ACOT11: variants seen among roughly 807,000 people sequenced by gnomAD.
ACOT11 encodes acyl-coenzyme A thioesterase 11.
Under a neutral mutation model 77.5 loss-of-function variants are expected in ACOT11, and 69 were observed. The observed-to-expected ratio is 0.89, with a 90% CI of 0.73 to 1.09. The LOEUF (loss-of-function observed/expected upper bound fraction) is 1.09. Among genes scored for constraint, ACOT11 ranks in the 50% least tolerant of loss-of-function variants. The probability of loss-of-function intolerance (pLI) is 0.00; values close to 1 mark genes in which losing one functional copy is unlikely to be tolerated. For synonymous variants in ACOT11, 279 were observed against 313.0 expected, an observed-to-expected ratio of 0.89 and a Z score of 1.15; for missense variants, 766 against 813.7, an observed-to-expected ratio of 0.94 and a Z score of 0.71.
At chr1:54,596,811 G>A (rs976011083) in intron 6 of ACOT11, among the ~76,000 whole-genome samples, 3 of 152,170 alleles carry the variant, frequency 2.0e-5, no homozygotes, top group African/African-American at 7.2e-5. Flanking sequence ...CTGGCCTCAA[G>A]GGATCTACCC....
At chr1:54,634,116 CT>C (rs2101035645) in intron 16 of ACOT11, among the ~76,000 whole-genome samples, 1 of 152,302 alleles carries the variant, frequency 6.6e-6, no homozygotes, top group South Asian at 2.1e-4. Context: ...GGAAAAATTA[CT>C]GTCCCTCTCA....
rs773103652 is a variant in ACOT11, at chr1:54,607,119, C to T, written c.1371-15C>T. 3.7e-6 allele frequency: 6 copies of T among 1,613,720 alleles called. No individual in the cohort carries two copies. The highest frequency in any genetic ancestry group is 4.2e-6 in the Non-Finnish European group (5 of 1,179,800). On this transcript the variant is annotated splice_polypyrimidine_tract_variant and intron_variant, in intron 13 of 15. Coordinates refer to ENST00000343744, the MANE Select transcript of ACOT11 (RefSeq NM_147161.4). The surrounding 1 kb of genome is among the most constrained non-coding windows in gnomAD (Gnocchi z 4.5). ...GGAAGCTTCCTGGGGCACTGAGATC[C>T]CGGCCTCCCCACAGGAGCGTGGAGC...
rs1196681613 is a variant in ACOT11 at position 54,622,945 on chromosome 1, C to CA, written c.1630-7788dup. Among the ~76,000 whole-genome samples the CA allele has an allele frequency of 4.0e-5, 6 of 151,894 alleles. No homozygotes were observed. The South Asian group carries it at 1.2e-3, about 32-fold the overall frequency. ...ATCCCAGCACTTTGAGAGGCTGAGG[C>CA]AGGTGGATCACCTGAGGTCAGGAGT... On this transcript the variant is annotated intron_variant, in intron 15 of 16. Transcript: ENST00000371316.
downstream of ACOT11, chr1:54,612,562 C>A: frequency 6.2e-7 from 1 of 1,614,090 alleles, no homozygotes. Flanking sequence ...GGGAAGGTGA[C>A]CCTCTGGGGC....
At chr1:54,617,584 C>T (rs1384322628) in intron 15 of ACOT11, among the ~76,000 whole-genome samples, 3 of 151,896 alleles carry the variant, frequency 2.0e-5, no homozygotes, top group Admixed American at 6.6e-5. Context: ...TTTCATCTCA[C>T]GTTCCACTCT....
chr1:54,581,212 G>A (rs948295428), intron 1 of ACOT11, among the ~76,000 whole-genome samples: 5 of 152,206 alleles, frequency 3.3e-5, no homozygotes, highest in Non-Finnish European at 5.9e-5. Context: ...CTGGTGCTGT[G>A]TGGAGGCTGG....
chr1:54,572,068 G>T (rs530318975), intron 1 of ACOT11, among the ~76,000 whole-genome samples: 1 of 152,042 alleles, frequency 6.6e-6, no homozygotes, highest in East Asian at 1.9e-4. Flanking sequence ...GGTGCACAGT[G>T]GGGGAGGTCT....
At chr1:54,601,672 G>T (rs1018982543) in intron 9 of ACOT11, among the ~76,000 whole-genome samples, 1 of 152,222 alleles carries the variant, frequency 6.6e-6, no homozygotes, top group African/African-American at 2.4e-5. Flanking sequence ...GCTGTCATGA[G>T]CCTGCAGGGT....
intron 9 of ACOT11, among the ~76,000 whole-genome samples, chr1:54,601,859 G>T (rs775474724): frequency 6.6e-6 from 1 of 152,242 alleles, no homozygotes; most frequent in African/African-American, 2.4e-5. Context: ...GCTGCGCCCT[G>T]GGAGCGGTCA....
chr1:54,575,288 A>G (rs909387371), intron 1 of ACOT11, among the ~76,000 whole-genome samples: 2 of 152,208 alleles, frequency 1.3e-5, no homozygotes, highest in Non-Finnish European at 2.9e-5. Flanking sequence ...ATGGGAAAGC[A>G]TTCAGGAAAT....
intron 15 of ACOT11, among the ~76,000 whole-genome samples, chr1:54,622,468 C>T (rs1361896274): frequency 6.6e-6 from 1 of 152,050 alleles, no homozygotes; most frequent in Non-Finnish European, 1.5e-5. Context: ...GTCCCAGCTA[C>T]TCCGGAGGCT....
At chr1:54,602,615 G>A in intron 9 of ACOT11, 54 bp from the exon 10 acceptor site, 2 of 1,424,254 alleles carry the variant, frequency 1.4e-6, no homozygotes, top group Non-Finnish European at 1.8e-6. Context: ...GGATGGAGAG[G>A]GGGCAGGACG....
Position 54,584,126 on chromosome 1 carries a change from C to T in ACOT11, c.34-529C>T, listed in dbSNP as rs1021044909. ...CCAGTCAATAGATCCAAGTGCTAGACATTAGCGGGCCACAGAGGCTGTCCT... is the reference window on the plus strand; with the variant it reads ...CCAGTCAATAGATCCAAGTGCTAGATATTAGCGGGCCACAGAGGCTGTCCT... On this transcript the variant is annotated intron_variant, in intron 1 of 15. Coordinates refer to ENST00000343744, the MANE Select transcript of ACOT11 (RefSeq NM_147161.4). The surrounding 1 kb of genome is among the most constrained non-coding windows in gnomAD (Gnocchi z 6.3). Among the ~76,000 whole-genome samples, 2 of 152,160 alleles carry T rather than the reference C, an allele frequency of 1.3e-5. No individual in the cohort carries two copies. The highest frequency in any genetic ancestry group is 6.5e-5 in the Admixed American group (1 of 15,278).
At chr1:54,632,973 A>G (rs140809628) in intron 16 of ACOT11, among the ~76,000 whole-genome samples, 181 of 152,354 alleles carry the variant, frequency 1.2e-3, no homozygotes, top group African/African-American at 4.2e-3. Flanking sequence ...ACAAGTTCTA[A>G]TTCCAGAACA....
rs1569818263 is a variant in ACOT11 at position 54,631,975 on chromosome 1, G to A, written c.1782+1089G>A. On this transcript the variant is annotated intron_variant, in intron 16 of 16. Transcript: ENST00000371316. ...AGCTACCTTGTTGGCAATGGCAATG[G>A]CAGGACTGAGAGTGGATAAAGGAAA... Among the ~76,000 whole-genome samples, 4 of 152,188 alleles carry A rather than the reference G, an allele frequency of 2.6e-5. No homozygotes were observed. In the South Asian group the frequency reaches 8.3e-4, roughly 32 times the overall value.
At chr1:54,612,402 G>T, downstream of ACOT11, 1 of 991,934 alleles carries the variant, frequency 1.0e-6, no homozygotes, top group Non-Finnish European at 1.5e-6. Flanking sequence ...TGACCTTTAA[G>T]ACCCTTCCAG....
rs34859193 is a variant in ACOT11 at position 54,559,593 on chromosome 1, C to CT, written c.33+11264dup. The stretch of plus-strand genomic sequence containing the variant: ...ATAATTGGCCATGGTGAATAGTTTT[C>CT]TTTTTTTTTTTTTCCATCTCATGTG... On this transcript the variant is annotated intron_variant, in intron 1 of 15. Transcript: ENST00000343744. Among the ~76,000 whole-genome samples the CT allele has an allele frequency of 7.1e-3, 1,034 of 145,706 alleles. 13 individuals are homozygous for CT. Among genetic ancestry groups the CT allele is most frequent in the African/African-American group, 0.021 (839 of 39,654 alleles).
chr1:54,572,392 GC>G (rs1653955434), intron 1 of ACOT11, among the ~76,000 whole-genome samples: 2 of 152,160 alleles, frequency 1.3e-5, no homozygotes, highest in Non-Finnish European at 2.9e-5. Context: ...CCCAGAGGCA[GC>G]ACAGGCAGCA....
At chr1:54,561,645 G>A (rs1449346267) in intron 1 of ACOT11, among the ~76,000 whole-genome samples, 52 of 135,162 alleles carry the variant, frequency 3.8e-4, no homozygotes, top group Middle Eastern at 3.9e-3. Flanking sequence ...GTGGTGGCCG[G>A]GCAGAGGGGC....
Sources: gnomAD v4.1 joint callset for allele counts (sites outside exome capture counted in the v4.1 genomes callset) on GRCh38, gnomAD v4.1.1 for gene constraint, Gnocchi (gnomAD v3.1) non-coding constraint, MANE v1.5 for transcripts, NCBI Gene and HGNC (gene_info 2026-07-23, HGNC 2026-07-21) for gene names.